The following SAMSN1 variants were observed in gnomAD, a reference collection of about 807,000 sequenced individuals.
The protein encoded by SAMSN1 is SAM domain, SH3 domain and nuclear localization signals 1, also known as SAM domain-containing protein SAMSN-1.
In SAMSN1, 31 loss-of-function variants were observed where a neutral mutation model predicts 42.0. The ratio of observed to expected loss-of-function variants is 0.74; its 90% CI spans 0.55 to 1.00. The LOEUF is 1.00. SAMSN1 is among the 50% of genes least tolerant of loss of function. The pLI, the probability that SAMSN1 is intolerant of heterozygous loss-of-function variation, is 0.00. For missense variants in SAMSN1, 464 were observed against 439.4 expected, an observed-to-expected ratio of 1.06 and a Z score of -0.50; for synonymous variants, 178 against 151.9, an observed-to-expected ratio of 1.17 and a Z score of -1.26.
chr21:14,521,209 A>C lies in SAMSN1; in HGVS notation c.70T>G (p.Phe24Val), dbSNP rs1183069904. Residue 24 changes from phenylalanine (F) to valine (V), a missense_variant, in exon 2 of 8, where the codon TTT becomes GTT. Coordinates refer to ENST00000400566, the MANE Select transcript of SAMSN1 (RefSeq NM_022136.5). The part of the protein sequence containing the change: ...KHQKPKRSSS[F>V]GNFDRFRNNS... ...TTCCGAAAACGATCGAAATTCCCAA[A>C]ACTGCTGCTTCGCTATAAAATAGAA... 6.2e-7 allele frequency: 1 copy of C among 1,610,928 alleles called. No homozygotes were observed. The highest frequency in any genetic ancestry group is 2.2e-5 in the East Asian group (1 of 44,772).
chr21:14,556,905 A>G (rs951490417), intron 2 of SAMSN1, among the ~76,000 whole-genome samples: 1 of 152,232 alleles, frequency 6.6e-6, no homozygotes, highest in Non-Finnish European at 1.5e-5. Flanking sequence ...TCAACTGAAT[A>G]TACAATAAAC....
At chr21:14,627,549 T>A (rs1273692540) in intron 2 of SAMSN1, among the ~76,000 whole-genome samples, 12 of 152,196 alleles carry the variant, frequency 7.9e-5, no homozygotes. Context: ...AATTGAAGGC[T>A]GTTAGGAAGA....
intron 3 of SAMSN1, among the ~76,000 whole-genome samples, chr21:14,613,272 T>C (rs930462915): frequency 4.6e-5 from 7 of 152,204 alleles, no homozygotes; most frequent in Non-Finnish European, 7.3e-5. Context: ...AAATTGTATA[T>C]AACCATTATG....
intron 5 of SAMSN1, among the ~76,000 whole-genome samples, chr21:14,501,983 A>G (rs529806914): frequency 2.6e-5 from 4 of 152,206 alleles, no homozygotes; most frequent in African/African-American, 4.8e-5. Flanking sequence ...TAGGATGCCT[A>G]TGTTCAAGAG....
rs1228851666 is a variant in SAMSN1 at position 14,590,276 on chromosome 21, C to CT, written c.465+3736dup. On this transcript the variant is annotated intron_variant, in intron 7 of 15. Coordinates refer to the SAMSN1 transcript ENST00000647101. Reference sequence around the variant, plus strand: ...AGCATAATTGGGAGAATTTTTTTTTCTTTTAAGACACAGGGTCTTGGTCTT... The same window carrying CT: ...AGCATAATTGGGAGAATTTTTTTTTCTTTTTAAGACACAGGGTCTTGGTCTT... 8.5e-3 allele frequency among the ~76,000 whole-genome samples: 751 copies of CT among 87,862 alleles called. 3 individuals carry two copies. Among genetic ancestry groups the CT allele is most frequent in the African/African-American group, 0.029 (657 of 22,650 alleles). The allele number at this position is 87,862 out of a possible 152,430, so 57.6% of individuals were successfully genotyped here. A position where few individuals can be genotyped will look rare whatever the true frequency, so the allele number is the denominator to read the frequency against.
At chr21:14,603,861 C>G (rs1300116471) in intron 5 of SAMSN1, among the ~76,000 whole-genome samples, 1 of 152,218 alleles carries the variant, frequency 6.6e-6, no homozygotes, top group Non-Finnish European at 1.5e-5. Flanking sequence ...TCTGAGCTCT[C>G]TCAGTTGAAG....
At chr21:14,578,135 T>G (rs1174112779) in intron 2 of SAMSN1, among the ~76,000 whole-genome samples, 1 of 152,190 alleles carries the variant, frequency 6.6e-6, no homozygotes, top group African/African-American at 2.4e-5. Context: ...TTCACTAAAT[T>G]TTTCTAATAG....
At chr21:14,539,293 C>T (rs539972747) in intron 1 of SAMSN1, among the ~76,000 whole-genome samples, 48 of 152,132 alleles carry the variant, frequency 3.2e-4, no homozygotes, top group African/African-American at 9.9e-4. Flanking sequence ...TTCTGGCCAG[C>T]GCAATCAGGC....
intron 1 of SAMSN1, among the ~76,000 whole-genome samples, chr21:14,533,763 C>T (rs377081907): frequency 1.1e-4 from 17 of 152,268 alleles, no homozygotes; most frequent in African/African-American, 3.9e-4. Flanking sequence ...ATTGTTTCCC[C>T]TGAAAGAAAC....
intron 1 of SAMSN1, among the ~76,000 whole-genome samples, chr21:14,531,642 C>T (rs765399307): frequency 3.3e-5 from 5 of 152,068 alleles, no homozygotes; most frequent in Admixed American, 6.5e-5. Flanking sequence ...TAACAGTTTA[C>T]CCATCTCATC....
At chr21:14,511,632 A>C (rs1249852355) in intron 4 of SAMSN1, among the ~76,000 whole-genome samples, 1 of 152,206 alleles carries the variant, frequency 6.6e-6, no homozygotes, top group Non-Finnish European at 1.5e-5. Context: ...ATGGGAAACA[A>C]ACTTTGCAAA....
chr21:14,593,039 A>G (rs902338082), intron 7 of SAMSN1, among the ~76,000 whole-genome samples: 4 of 152,176 alleles, frequency 2.6e-5, no homozygotes, highest in South Asian at 2.1e-4. Context: ...TATTTAAATC[A>G]TAACTTTCCA....
chr21:14,566,540 A>G (rs1981124516), intron 2 of SAMSN1, among the ~76,000 whole-genome samples: 1 of 151,836 alleles, frequency 6.6e-6, no homozygotes, highest in African/African-American at 2.4e-5. Flanking sequence ...ATATATATAT[A>G]TAAAATTTTT....
rs60905314 is a variant in SAMSN1 at position 14,649,772 on chromosome 21, AACACACACAC to A, written c.25-6649_25-6640del. ...GTGACGGAGTGAGACACTGTCTCAA[AACACACACAC>A]ACACACACACACACACACACACACA... On this transcript the variant is annotated intron_variant, in intron 1 of 15. Coordinates refer to the SAMSN1 transcript ENST00000647101. Among the ~76,000 whole-genome samples the A allele has an allele frequency of 8.4e-3, 1,145 of 135,742 alleles. 22 individuals carry two copies. Among genetic ancestry groups the A allele is most frequent in the African/African-American group, 0.032 (1,084 of 33,930 alleles). The allele number at this position is 135,742 out of a possible 152,430, so 89.1% of individuals were successfully genotyped here. A position where few individuals can be genotyped will look rare whatever the true frequency, so the allele number is the denominator to read the frequency against.
intron 2 of SAMSN1, among the ~76,000 whole-genome samples, chr21:14,623,994 A>G (rs561743027): frequency 6.6e-6 from 1 of 152,346 alleles, no homozygotes; most frequent in South Asian, 2.1e-4. Flanking sequence ...GCTCAACTAC[A>G]TGGAAACTGA....
chr21:14,586,292 A>G (rs565596638), upstream of SAMSN1, among the ~76,000 whole-genome samples: 1 of 151,712 alleles, frequency 6.6e-6, no homozygotes, highest in South Asian at 2.1e-4. Flanking sequence ...AAAGAAAAAA[A>G]AAGAAAAATC....
chr21:14,651,314 A>G lies in SAMSN1; in HGVS notation c.24+7434T>C, dbSNP rs148185655. ...TACTACCAAACTAAATTCAACAACA[A>G]TATATTAGAAAGATCATTCATCGTC... is the stretch of plus-strand genomic sequence containing the variant. On this transcript the variant is annotated intron_variant, in intron 1 of 15. Transcript: ENST00000647101. Among the ~76,000 whole-genome samples, 48 of 152,096 alleles carry G rather than the reference A, an allele frequency of 3.2e-4. No homozygotes were observed. The East Asian group carries it at 7.7e-3, about 24-fold the overall frequency.
intron 1 of SAMSN1, among the ~76,000 whole-genome samples, chr21:14,651,863 A>G (rs1379071256): frequency 2.0e-5 from 3 of 152,034 alleles, no homozygotes; most frequent in Non-Finnish European, 4.4e-5. Flanking sequence ...TACCAGTAGC[A>G]TTTCTATGAG....
chr21:14,583,751 A>G, upstream of SAMSN1: 2 of 717,920 alleles, frequency 2.8e-6, no homozygotes, highest in Non-Finnish European at 5.2e-6. Flanking sequence ...CATTGATTCC[A>G]CAGGGTCACT....
Sources: gnomAD v4.1 joint callset for allele counts (sites outside exome capture counted in the v4.1 genomes callset) on GRCh38, gnomAD v4.1.1 for gene constraint, MANE v1.5 for transcripts, NCBI Gene and HGNC (gene_info 2026-07-23, HGNC 2026-07-21) for gene names.